Variants in TIAM2 observed in about 807,000 individuals in gnomAD.
TIAM2 encodes the protein TIAM Rac1 associated GEF 2.
Under a neutral mutation model 152.9 loss-of-function variants are expected in TIAM2, and 80 were observed. That is an observed-to-expected ratio of 0.52 (90% CI 0.44 to 0.63). The LOEUF is 0.63. TIAM2 is among the 30% of genes least tolerant of loss of function. The probability of loss-of-function intolerance (pLI) is 0.00; values close to 1 mark genes in which losing one functional copy is unlikely to be tolerated. For synonymous variants in TIAM2, 804 were observed against 838.0 expected, an observed-to-expected ratio of 0.96 and a Z score of 0.70; for missense variants, 1,965 against 2,120.1, an observed-to-expected ratio of 0.93 and a Z score of 1.44.
At chr6:155,105,081 C>T (rs1778651068) in intron 2 of TIAM2, among the ~76,000 whole-genome samples, 1 of 152,036 alleles carries the variant, frequency 6.6e-6, no homozygotes, top group African/African-American at 2.4e-5. Context: ...CCTCAGCTCC[C>T]AAGTAACTGG....
chr6:155,135,923 G>A (rs549872028), intron 4 of TIAM2, among the ~76,000 whole-genome samples: 3 of 152,128 alleles, frequency 2.0e-5, no homozygotes, highest in South Asian at 4.2e-4. Context: ...GGCCGGGCGC[G>A]GTGGCTCATG....
intron 9 of TIAM2, among the ~76,000 whole-genome samples, chr6:155,175,649 T>C (rs1780742755): frequency 6.6e-6 from 1 of 152,248 alleles, no homozygotes; most frequent in East Asian, 1.9e-4. Flanking sequence ...TGGTAGAGTC[T>C]GTGACTTTTG....
Position 155,203,423 on chromosome 6 carries a change from C to T in TIAM2, c.3065-7781C>T, listed in dbSNP as rs563951278. Reference sequence around the variant, plus strand: ...ATTGCATAGCATAAATTCTGAGAAACTGAATAGGGAAACTGAGTAAATCAA... The same window carrying T: ...ATTGCATAGCATAAATTCTGAGAAATTGAATAGGGAAACTGAGTAAATCAA... On this transcript the variant is annotated intron_variant, in intron 14 of 26. Coordinates refer to ENST00000682666, the MANE Select transcript of TIAM2 (RefSeq NM_012454.4). Among the ~76,000 whole-genome samples, 4 of 152,128 alleles carry T rather than the reference C, an allele frequency of 2.6e-5. No individual in the cohort carries two copies. In the South Asian group the frequency reaches 6.2e-4, roughly 24 times the overall value.
chr6:155,212,085 G>A (rs994556831), intron 15 of TIAM2, among the ~76,000 whole-genome samples: 2 of 152,172 alleles, frequency 1.3e-5, no homozygotes, highest in Non-Finnish European at 2.9e-5. Context: ...CCATTATACG[G>A]ATACACCACA....
chr6:155,002,759 C>T (rs1012679382), intron 1 of TIAM2, among the ~76,000 whole-genome samples: 1 of 151,786 alleles, frequency 6.6e-6, no homozygotes, highest in Non-Finnish European at 1.5e-5. Flanking sequence ...CAGCTCACTG[C>T]GAACTCTGCC....
At chr6:155,006,110 C>T (rs1356624004) in intron 1 of TIAM2, among the ~76,000 whole-genome samples, 1 of 152,160 alleles carries the variant, frequency 6.6e-6, no homozygotes, top group Non-Finnish European at 1.5e-5. Flanking sequence ...CACGTGTAGC[C>T]CCCCGGGGTC....
chr6:155,214,432 T>C lies in TIAM2; in HGVS notation c.3168+3125T>C, dbSNP rs1781803570. 6.6e-6 allele frequency among the ~76,000 whole-genome samples: 1 copy of C among 152,216 alleles called. No individual in the cohort carries two copies. The highest frequency in any genetic ancestry group is 1.5e-5 in the Non-Finnish European group (1 of 68,022). ...CGGATGCTTCTGGTTCCGAAGCAGC[T>C]GGTTTGATGAAGCAGCTATGGGCTC... On this transcript the variant is annotated intron_variant, in intron 15 of 26. Transcript: ENST00000682666. This position sits in a 1 kb window ranked among gnomAD's most constrained non-coding sequence, Gnocchi z 5.4.
intron 1 of TIAM2, among the ~76,000 whole-genome samples, chr6:155,042,020 CT>C (rs1018865368): frequency 6.6e-6 from 1 of 151,960 alleles, no homozygotes; most frequent in East Asian, 2.0e-4. Flanking sequence ...TCCAACCAGA[CT>C]TTTTTTCTTT....
At position 155,148,147 on chromosome 6, in the gene TIAM2, C is replaced by T. The variant is rs374805243; in HGVS notation, c.1841C>T (p.Ala614Val). The change falls in exon 7 of 27, where the codon GCT becomes GTT. Residue 614 changes from alanine to valine, a missense_variant. Physicochemically the swap from Ala to Val is moderately conservative, Grantham distance 64. This residue lies in a region of TIAM2 where 1,025 missense variants were observed against 1,119.4 expected (regional missense o/e 0.92). Transcript: ENST00000682666. The part of the protein sequence containing the change: ...SQTDLENWVT[A>V]VHSACASLFA... The stretch of plus-strand genomic sequence containing the variant: ...ACAGATCTAGAAAACTGGGTCACTG[C>T]TGTACACTCTGCTTGTGCATCCCTT... The T allele has an allele frequency of 6.2e-7, 1 of 1,613,746 alleles. No homozygotes were observed. The highest frequency in any genetic ancestry group is 1.3e-5 in the African/African-American group (1 of 74,896).
chr6:155,107,756 G>T (rs1385971475), intron 2 of TIAM2, among the ~76,000 whole-genome samples: 3 of 152,122 alleles, frequency 2.0e-5, no homozygotes, highest in East Asian at 3.8e-4. Flanking sequence ...CTTGGGAGGG[G>T]GGTACTTGTT....
chr6:155,031,705 A>T (rs530975956), intron 1 of TIAM2, among the ~76,000 whole-genome samples: 74 of 152,294 alleles, frequency 4.9e-4, no homozygotes, highest in African/African-American at 1.7e-3. Context: ...GCCTGGGCAC[A>T]GAGTGTGTGT....
chr6:155,119,835 C>T (rs1469249224), intron 2 of TIAM2, among the ~76,000 whole-genome samples: 1 of 152,186 alleles, frequency 6.6e-6, no homozygotes, highest in African/African-American at 2.4e-5. Context: ...CACACAAGCA[C>T]ACACAAGAAT....
At chr6:155,220,992 A>T (rs1782021447) in intron 15 of TIAM2, among the ~76,000 whole-genome samples, 2 of 151,406 alleles carry the variant, frequency 1.3e-5, no homozygotes, top group Admixed American at 6.6e-5. Flanking sequence ...TTCAGCTTCC[A>T]CTTACGAGAC....
At chr6:155,094,722 T>C (rs1051056301) in intron 2 of TIAM2, among the ~76,000 whole-genome samples, 4 of 134,974 alleles carry the variant, frequency 3.0e-5, no homozygotes, top group African/African-American at 8.4e-5. Flanking sequence ...GCTATATCTA[T>C]GGTTTTTTTT....
chr6:154,999,869 G>A (rs1459133609), intron 1 of TIAM2, among the ~76,000 whole-genome samples: 1 of 151,706 alleles, frequency 6.6e-6, no homozygotes, highest in African/African-American at 2.4e-5. Flanking sequence ...AGTACAGACG[G>A]GGTTTCTCCA....
At chr6:155,245,516 C>A in intron 18 of TIAM2, 107 bp from the exon 19 acceptor site, 5 of 918,068 alleles carry the variant, frequency 5.4e-6, no homozygotes, top group Non-Finnish European at 8.7e-6. Flanking sequence ...TTCTCCAAGG[C>A]ATTAGTGCTA....
chr6:155,195,310 A>T (rs973136193), intron 14 of TIAM2, among the ~76,000 whole-genome samples: 28 of 152,174 alleles, frequency 1.8e-4, no homozygotes, highest in African/African-American at 6.5e-4. Context: ...CAGGCACATA[A>T]ATTAGGTCCA....
At position 155,137,258 on chromosome 6, in the gene TIAM2, G is replaced by C. The variant is rs1363594646; in HGVS notation, c.1276G>C (p.Ala426Pro). 1 of 1,614,202 alleles carries C rather than the reference G, an allele frequency of 6.2e-7. No individual in the cohort carries two copies. ...LNTDVQGSSQ[A>P]SAFLWSGGST... ...TACAGATGTGCAGGGATCCTCCCAGGCATCTGCTTTTCTGTGGTCAGGGGG... is the reference window on the plus strand; with the variant it reads ...TACAGATGTGCAGGGATCCTCCCAGCCATCTGCTTTTCTGTGGTCAGGGGG... The change falls in exon 5 of 27, where the codon GCA becomes CCA. Residue 426 changes from alanine (A) to proline (P), a missense_variant. Around this residue, in one of 3 missense-constraint regions of TIAM2, gnomAD observed 1,025 missense variants for 1,119.4 expected, o/e 0.92. Coordinates refer to ENST00000682666, the MANE Select transcript of TIAM2 (RefSeq NM_012454.4).
chr6:155,212,634 G>A (rs1037428524), intron 15 of TIAM2, among the ~76,000 whole-genome samples: 30 of 152,274 alleles, frequency 2.0e-4, no homozygotes, highest in African/African-American at 5.8e-4. Context: ...TTCACCAGCC[G>A]GAAACCTCTG....
Sources: allele counts gnomAD v4.1 joint callset (sites outside exome capture counted in the v4.1 genomes callset), GRCh38; gene constraint gnomAD v4.1.1; regional missense constraint gnomAD v4.1.1; non-coding constraint Gnocchi (gnomAD v3.1); transcripts MANE v1.5; gene names NCBI Gene and HGNC (gene_info 2026-07-23, HGNC 2026-07-21).